The following PHF12 variants were observed in gnomAD, a reference collection of about 807,000 sequenced individuals.
PHF12 encodes PHD finger protein 12.
In PHF12, 6 loss-of-function variants were observed where a neutral mutation model predicts 99.8. That is an observed-to-expected ratio of 0.06 (90% CI 0.03 to 0.12). PHF12 has a LOEUF of 0.12. Among genes scored for constraint, PHF12 ranks in the 10% least tolerant of loss-of-function variants. The pLI, the probability that PHF12 is intolerant of heterozygous loss-of-function variation, is 1.00. For missense variants in PHF12, 954 were observed against 1,300.1 expected (o/e 0.73, Z 4.09); for synonymous variants, 480 against 514.9 (o/e 0.93, Z 0.92).
chr17:28,916,030 A>G (rs1485980063), intron 7 of PHF12, among the ~76,000 whole-genome samples: 1 of 152,256 alleles, frequency 6.6e-6, no homozygotes, highest in Non-Finnish European at 1.5e-5. Context: ...GAGATGAGGC[A>G]TACTACCTTT....
At chr17:28,912,225 T>C in intron 9 of PHF12, 3 of 1,297,104 alleles carry the variant, frequency 2.3e-6, no homozygotes, top group Non-Finnish European at 2.9e-6. Context: ...ACCTGGGCTG[T>C]GGTTCCAATC....
Position 28,913,174 on chromosome 17 carries a change from A to G in PHF12, c.1397T>C (p.Ile466Thr), listed in dbSNP as rs548258299. 2 of 1,614,190 alleles carry G rather than the reference A, an allele frequency of 1.2e-6. No individual in the cohort carries two copies. The highest frequency in any genetic ancestry group is 2.2e-5 in the South Asian group (2 of 91,084). The change falls in exon 9 of 15, where the codon ATT (isoleucine) becomes ACT (threonine). Residue 466 changes from isoleucine to threonine, a missense_variant. Transcript: ENST00000332830. ...WDSEQTEKAD[I>T]KPVIVTDSSV... ...GCTGTCAGTCACAATAACAGGCTTA[A>G]TATCAGCCTTCTCTGTCTGTTCAGA...
At chr17:28,910,062 C>T (rs1488743190) in intron 11 of PHF12, 164 bp downstream of exon 11, 4 of 1,033,040 alleles carry the variant, frequency 3.9e-6, no homozygotes, top group Non-Finnish European at 4.4e-6. Context: ...CCATCTTGTT[C>T]CTGCTCTCTT....
intron 7 of PHF12, among the ~76,000 whole-genome samples, chr17:28,915,031 G>A (rs1208188701): frequency 1.3e-5 from 2 of 152,198 alleles, no homozygotes; most frequent in Non-Finnish European, 2.9e-5. Flanking sequence ...AAGGTAATGG[G>A]TTCTAGAAGA....
rs1411411208 is a variant in PHF12 at position 28,949,883 on chromosome 17, C to T, written c.248+182G>A. On this transcript the variant is annotated intron_variant, in intron 2 of 14. Transcript: ENST00000332830. This position sits in a 1 kb window ranked among gnomAD's most constrained non-coding sequence, Gnocchi z 4.6. ...GGGGTCCGGACCCACCGCTGCTCCTCCCCGCTAAACTGCCAGAACCCGGCG... is the reference window on the plus strand; with the variant it reads ...GGGGTCCGGACCCACCGCTGCTCCTTCCCGCTAAACTGCCAGAACCCGGCG... 1.5e-5 allele frequency: 10 copies of T among 664,536 alleles called. No individual in the cohort carries two copies. The highest frequency in any genetic ancestry group is 2.5e-5 in the Non-Finnish European group (10 of 403,372). The allele number at this position is 664,536 out of a possible 1,614,324, so 41.2% of individuals were successfully genotyped here.
intron 11 of PHF12, chr17:28,909,311 G>C (rs578028794): frequency 6.2e-6 from 1 of 160,788 alleles, no homozygotes; most frequent in African/African-American, 2.4e-5. Context: ...AGGGGCCTTA[G>C]CTCTGCATTT....
chr17:28,930,717 C>T (rs1359015426), intron 2 of PHF12, among the ~76,000 whole-genome samples: 1 of 152,190 alleles, frequency 6.6e-6, no homozygotes, highest in Non-Finnish European at 1.5e-5. Flanking sequence ...TATTAAGAGG[C>T]TCTCAGAAGT....
chr17:28,934,046 CA>C (rs35582292), intron 2 of PHF12, among the ~76,000 whole-genome samples: 4 of 150,674 alleles, frequency 2.7e-5, no homozygotes, highest in Admixed American at 2.6e-4. Context: ...GACCCCGCCT[CA>C]AAAAAAAAGT....
At position 28,910,003 on chromosome 17, in the gene PHF12, A is replaced by T. The variant is rs896515282; in HGVS notation, c.2359+223T>A. ...TGTCTCGAAGTGGACTTATATATGA[A>T]AGAAAGTTACAGCAGACTTCCCCAA... On this transcript the variant is annotated intron_variant, in intron 11 of 14. Transcript: ENST00000332830. 10 of 703,188 alleles carry T rather than the reference A, an allele frequency of 1.4e-5. No individual in the cohort carries two copies. In the Admixed American group the frequency reaches 2.1e-4, roughly 15 times the overall value. The allele number at this position is 703,188 out of a possible 1,614,324, so 43.6% of individuals were successfully genotyped here.
In PHF12 at chr17:28,951,394, T is replaced by A; in HGVS notation, c.-434A>T. 1 of 952,254 alleles carries A rather than the reference T, an allele frequency of 1.1e-6. No individual in the cohort carries two copies. Among genetic ancestry groups the A allele is most frequent in the Non-Finnish European group, 1.2e-6 (1 of 800,808 alleles). The allele number at this position is 952,254 out of a possible 1,614,324, so 59.0% of individuals were successfully genotyped here. ...TGACTGGGGGGAGGGTGATGGGGGG[T>A]GGTCCCCGGGCTCCGCCTCTCGCCG... On this transcript the variant is annotated 5_prime_UTR_variant, in exon 1 of 15. Transcript: ENST00000332830.
chr17:28,906,322 T>G lies in PHF12; in HGVS notation c.2876A>C (p.Gln959Pro). The G allele has an allele frequency of 6.2e-7, 1 of 1,614,214 alleles. No individual in the cohort carries two copies. ...HGSYIKLGCL[Q>P]FVFSITEFAT... ...AAACTCAGTGATGCTGAAGACAAACTGCAGGCAGCCCAGCTTGATGTAGCT... is the reference window on the plus strand; with the variant it reads ...AAACTCAGTGATGCTGAAGACAAACGGCAGGCAGCCCAGCTTGATGTAGCT... Residue 959 changes from glutamine to proline, a missense_variant, in exon 15 of 15, where the codon CAG becomes CCG. This residue lies in a region of PHF12 where 136 missense variants were observed against 172.3 expected (regional missense o/e 0.79). Transcript: ENST00000332830. The surrounding 1 kb of genome is among the most constrained non-coding windows in gnomAD (Gnocchi z 4.2).
At chr17:28,944,981 A>G (rs1041162410) in intron 2 of PHF12, 1 of 152,224 alleles carries the variant, frequency 6.6e-6, no homozygotes, top group African/African-American at 2.4e-5. Context: ...CACCTCCTTA[A>G]AAGTTCAAAC....
intron 2 of PHF12, among the ~76,000 whole-genome samples, chr17:28,948,506 T>G (rs1167939996): frequency 1.3e-5 from 2 of 152,136 alleles, no homozygotes; most frequent in Non-Finnish European, 2.9e-5. Flanking sequence ...CGATAATCAT[T>G]TTTGTCCCAG....
rs2039986197 is a variant in PHF12 at position 28,912,768 on chromosome 17, A to T, written c.1803T>A (p.Ile601=). 1 of 1,613,968 alleles carries T rather than the reference A, an allele frequency of 6.2e-7. No homozygotes were observed. The highest frequency in any genetic ancestry group is 8.5e-7 in the Non-Finnish European group (1 of 1,179,890). The change falls in exon 9 of 15, where the codon ATT becomes ATA. Residue 601 remains isoleucine, a synonymous_variant. Transcript: ENST00000332830. ...GGLQNHTVGI[I]VKTENATGPS... is the part of the protein sequence containing the mutation. ...GGCCAGTGGCATTCTCTGTCTTCAC[A>T]ATGATGCCGACGGTGTGGTTCTGAA...
intron 2 of PHF12, among the ~76,000 whole-genome samples, chr17:28,942,469 A>T (rs1008964454): frequency 6.6e-6 from 1 of 151,998 alleles, no homozygotes; most frequent in African/African-American, 2.4e-5. Context: ...ACTGTGAGTT[A>T]TGACTGTGCC....
rs764743560 is a variant in PHF12, at chr17:28,908,841, G to A, written c.2400C>T (p.Pro800=). Residue 800 remains proline, a synonymous_variant, in exon 12 of 15, where the codon CCC becomes CCT. Transcript: ENST00000332830. ...KEVQARAVFY[P]LLGLGGAVNM... ...TCACAGCTCCTCCCAACCCTAAGAG[G>A]GGGTAGAACACAGCTCGGGCCTGTA... 3.1e-6 allele frequency: 5 copies of A among 1,614,112 alleles called. No homozygotes were observed. The East Asian group carries it at 6.7e-5, about 22-fold the overall frequency.
chr17:28,948,400 G>A (rs1440872094), intron 2 of PHF12, among the ~76,000 whole-genome samples: 1 of 152,132 alleles, frequency 6.6e-6, no homozygotes, highest in African/African-American at 2.4e-5. Context: ...ATCTTCTCCA[G>A]GTGGATTACA....
rs139822192 is a variant in PHF12, at chr17:28,936,145, T to C, written c.249-9082A>G. On this transcript the variant is annotated intron_variant, in intron 2 of 14. Coordinates refer to ENST00000332830, the MANE Select transcript of PHF12 (RefSeq NM_001033561.2). ...TATTTCAAGTCATATACCAGTGTGG[T>C]TGATCTGAGTCTAACCTCACTCATC... is the stretch of plus-strand genomic sequence containing the variant. 1.3e-4 allele frequency among the ~76,000 whole-genome samples: 20 copies of C among 152,364 alleles called. No homozygotes were observed. The East Asian group carries it at 3.3e-3, about 25-fold the overall frequency.
At chr17:28,925,296 T>G (rs756029756) in intron 3 of PHF12, 2 of 152,168 alleles carry the variant, frequency 1.3e-5, no homozygotes, top group Non-Finnish European at 2.9e-5. Flanking sequence ...CTCCTCCTCC[T>G]CTCAGGGATA....
Sources: gnomAD v4.1 joint callset for allele counts (sites outside exome capture counted in the v4.1 genomes callset) on GRCh38, gnomAD v4.1.1 for gene constraint, gnomAD v4.1.1 regional missense constraint, Gnocchi (gnomAD v3.1) non-coding constraint, MANE v1.5 for transcripts, NCBI Gene and HGNC (gene_info 2026-07-23, HGNC 2026-07-21) for gene names.